The following CPB2 variants were observed in gnomAD, a reference collection of about 807,000 sequenced individuals.
The protein encoded by CPB2 is carboxypeptidase B2, also known as carboxypeptidase B-like protein.
CPB2 carries 54 observed loss-of-function variants against 57.0 expected under a neutral mutation model. The ratio of observed to expected loss-of-function variants is 0.95; its 90% CI spans 0.76 to 1.19. The LOEUF (loss-of-function observed/expected upper bound fraction) is 1.19, where lower values mean the gene tolerates loss of function less well. Ranked by LOEUF, CPB2 falls within the 50% of genes most tolerant of loss-of-function variation. CPB2 has a pLI of 0.00. For missense variants in CPB2, 426 were observed against 512.0 expected, an observed-to-expected ratio of 0.83 and a Z score of 1.62; for synonymous variants, 189 against 178.1, an observed-to-expected ratio of 1.06 and a Z score of -0.49.
chr13:46,079,551 A>AAAAAAAAAAAG (rs2045078862), intron 4 of CPB2, among the ~76,000 whole-genome samples: 12 of 124,696 alleles, frequency 9.6e-5, no homozygotes, highest in African/African-American at 1.7e-4. Context: ...AAAAAAAAAA[A>AAAAAAAAAAAG]AAAAGAAAAG....
intron 6 of CPB2, among the ~76,000 whole-genome samples, chr13:46,071,410 A>T (rs9562637): frequency 0.44 from 67,515 of 151,934 alleles, 15,267 homozygotes; most frequent in East Asian, 0.56. Flanking sequence ...GGGTCTAAGG[A>T]TCAGCAAAAC....
intron 1 of CPB2, among the ~76,000 whole-genome samples, chr13:46,102,593 T>C (rs67721570): frequency 0.037 from 1,055 of 28,312 alleles, 13 homozygotes; most frequent in African/African-American, 0.12. Flanking sequence ...AGACTGTTAG[T>C]TTTTTTTTTT....
rs778911564 is a variant in CPB2 at position 46,104,935 on chromosome 13, C to G, written c.74+1G>C. 42 of 1,613,744 alleles carry G rather than the reference C, an allele frequency of 2.6e-5. No homozygotes were observed. The highest frequency in any genetic ancestry group is 2.3e-4 in the South Asian group (21 of 91,068). On this transcript the variant is annotated splice_donor_variant, in intron 1 of 10. Transcript: ENST00000181383. LOFTEE classifies it high-confidence loss of function. ...CACAGTCTAAGATTCTATTGGGTTA[C>G]CTCTGAAACGCGAAGACATGCTGCT...
At position 46,055,743 on chromosome 13, in the gene CPB2, C is replaced by T. The variant is rs2044688280; in HGVS notation, c.1087+19G>A. The T allele has an allele frequency of 1.4e-6, 2 of 1,448,502 alleles. No homozygotes were observed. Among genetic ancestry groups the T allele is most frequent in the East Asian group, 4.6e-5 (2 of 43,440 alleles). 89.7% of individuals were successfully genotyped at this position (1,448,502 alleles called of 1,614,324 possible). On this transcript the variant is annotated intron_variant, in intron 10 of 10. Transcript: ENST00000181383. Reference sequence around the variant, plus strand: ...TTAGTAGCTCAAAGTTCTCTAAGATCATAAGAAGAAATACTTACATAAGGT... The same window carrying T: ...TTAGTAGCTCAAAGTTCTCTAAGATTATAAGAAGAAATACTTACATAAGGT...
At chr13:46,062,276 A>T (rs1351398774) in intron 8 of CPB2, among the ~76,000 whole-genome samples, 1 of 152,208 alleles carries the variant, frequency 6.6e-6, no homozygotes, top group African/African-American at 2.4e-5. Context: ...TCCAAAAGGG[A>T]ACTGATAACT....
intron 1 of CPB2, among the ~76,000 whole-genome samples, chr13:46,104,633 G>A (rs1315146702): frequency 6.6e-6 from 1 of 152,168 alleles, no homozygotes; most frequent in Non-Finnish European, 1.5e-5. Flanking sequence ...TCAAGTTAGA[G>A]TATAAATAGT....
At chr13:46,062,358 G>C (rs1204315984) in intron 8 of CPB2, among the ~76,000 whole-genome samples, 1 of 152,170 alleles carries the variant, frequency 6.6e-6, no homozygotes, top group African/African-American at 2.4e-5. Flanking sequence ...GGACTTAACT[G>C]TTTTCAGCCC....
intron 1 of CPB2, among the ~76,000 whole-genome samples, chr13:46,091,298 T>G (rs2139411593): frequency 6.6e-6 from 1 of 152,334 alleles, no homozygotes; most frequent in South Asian, 2.1e-4. Flanking sequence ...TTTAATGTAC[T>G]TAATGTACTT....
chr13:46,079,086 A>G lies in CPB2; in HGVS notation c.385-185T>C, dbSNP rs17844215. Among the ~76,000 whole-genome samples the G allele has an allele frequency of 4.6e-3, 707 of 152,326 alleles. 4 individuals carry two copies. Among genetic ancestry groups the G allele is most frequent in the African/African-American group, 0.016 (652 of 41,576 alleles). ...GGAAATTAATAAAATTAAAGTTTTGATAAGTGTCAAGGTTTTGAGAAAGAG... is the reference window on the plus strand; with the variant it reads ...GGAAATTAATAAAATTAAAGTTTTGGTAAGTGTCAAGGTTTTGAGAAAGAG... On this transcript the variant is annotated intron_variant, in intron 4 of 10. Coordinates refer to ENST00000181383, the MANE Select transcript of CPB2 (RefSeq NM_001872.5).
In CPB2 at chr13:46,064,646, A is replaced by G. The variant is rs1165612449; in HGVS notation, c.796+2T>C. 3.1e-6 allele frequency: 5 copies of G among 1,612,628 alleles called. No homozygotes were observed. The Admixed American group carries it at 6.7e-5, about 22-fold the overall frequency. ...TTGCAAGAAATAAAGCCAACAACCT[A>G]CCACACCAGTGTTTGGAAGCAAAGT... is the stretch of plus-strand genomic sequence containing the variant. On this transcript the variant is annotated splice_donor_variant, in intron 8 of 10. Coordinates refer to ENST00000181383, the MANE Select transcript of CPB2 (RefSeq NM_001872.5). LOFTEE classifies it high-confidence loss of function.
chr13:46,063,632 T>G (rs1258111795), intron 8 of CPB2, among the ~76,000 whole-genome samples: 1 of 152,176 alleles, frequency 6.6e-6, no homozygotes, highest in Non-Finnish European at 1.5e-5. Context: ...AATGAACATA[T>G]GATTGCATGT....
At chr13:46,074,299 T>C (rs1419501842) in intron 5 of CPB2, among the ~76,000 whole-genome samples, 1 of 152,216 alleles carries the variant, frequency 6.6e-6, no homozygotes, top group Non-Finnish European at 1.5e-5. Context: ...AGAGAACTAA[T>C]GATTTGGGCT....
chr13:46,093,602 A>T (rs1363811246), intron 1 of CPB2, among the ~76,000 whole-genome samples: 1 of 151,184 alleles, frequency 6.6e-6, no homozygotes, highest in African/African-American at 2.4e-5. Flanking sequence ...GAAAAGCAAG[A>T]TATGGAGAAC....
chr13:46,073,268 T>C lies in CPB2; in HGVS notation c.591+605A>G, dbSNP rs1011293123. ...TCAGTGTAGAGAACATATATGCCCATTTTATAGGATTTGAAGCATAATTTT... is the reference window on the plus strand; with the variant it reads ...TCAGTGTAGAGAACATATATGCCCACTTTATAGGATTTGAAGCATAATTTT... On this transcript the variant is annotated intron_variant, in intron 6 of 10. Transcript: ENST00000181383. Among the ~76,000 whole-genome samples the C allele has an allele frequency of 2.0e-5, 3 of 152,174 alleles. No individual in the cohort carries two copies. The South Asian group carries it at 6.2e-4, about 32-fold the overall frequency.
Position 46,075,318 on chromosome 13 carries a change from C to G in CPB2, c.487-1341G>C, listed in dbSNP as rs9567614. On this transcript the variant is annotated intron_variant, in intron 5 of 10. Transcript: ENST00000181383. ...AAGAAAATCTTAAGTTGTCTGGATT[C>G]GTTACTTTACTTGACCTTTCTAAGT... Among the ~76,000 whole-genome samples, 3 of 152,136 alleles carry G rather than the reference C, an allele frequency of 2.0e-5. No individual in the cohort carries two copies. In the South Asian group the frequency reaches 6.2e-4, roughly 32 times the overall value.
intron 8 of CPB2, among the ~76,000 whole-genome samples, chr13:46,063,506 T>C (rs2044806547): frequency 6.6e-6 from 1 of 152,222 alleles, no homozygotes; most frequent in African/African-American, 2.4e-5. Flanking sequence ...AATTTTGTTC[T>C]TTTTTATGGC....
intron 7 of CPB2, 67 bp downstream of exon 7, chr13:46,067,240 T>A: frequency 1.3e-6 from 1 of 757,808 alleles, no homozygotes. Flanking sequence ...ATTCTATGAA[T>A]AATTCAACCT....
intron 8 of CPB2, among the ~76,000 whole-genome samples, chr13:46,060,630 C>T (rs2044758750): frequency 1.3e-5 from 2 of 152,054 alleles, no homozygotes. Context: ...GTGTATTTAA[C>T]ACTCAGTGTA....
At position 46,059,435 on chromosome 13, in the gene CPB2, A is replaced by G. The variant is rs1276452325; in HGVS notation, c.797-1054T>C. On this transcript the variant is annotated intron_variant, in intron 8 of 10. Transcript: ENST00000181383. The stretch of plus-strand genomic sequence containing the variant: ...GCTTTGGGTAAATTTTTAAAAATCT[A>G]TCTGTATCTCAATTTCCTTATCTGC... Among the ~76,000 whole-genome samples the G allele has an allele frequency of 3.3e-5, 5 of 152,370 alleles. No individual in the cohort carries two copies. In the East Asian group the frequency reaches 9.6e-4, roughly 29 times the overall value.
Sources: gnomAD v4.1 joint callset for allele counts (sites outside exome capture counted in the v4.1 genomes callset) on GRCh38, gnomAD v4.1.1 for gene constraint, MANE v1.5 for transcripts, NCBI Gene and HGNC (gene_info 2026-07-23, HGNC 2026-07-21) for gene names.